The following PCDH9 variants were observed in gnomAD, a reference collection of about 807,000 sequenced individuals.
The protein encoded by PCDH9 is protocadherin-9.
A neutral mutation model predicts 70.6 loss-of-function variants in PCDH9; 24 were observed. The ratio of observed to expected loss-of-function variants is 0.34; its 90% CI spans 0.25 to 0.48. The LOEUF (loss-of-function observed/expected upper bound fraction) is 0.48, where lower values mean the gene tolerates loss of function less well. Ranked by LOEUF, PCDH9 falls within the 20% of genes least tolerant of loss-of-function variation. The pLI is 0.99. For missense variants in PCDH9, 1,281 were observed against 1,503.6 expected (o/e 0.85, Z 2.45); for synonymous variants, 562 against 558.5 (o/e 1.01, Z -0.09).
At chr13:66,794,781 C>G (rs2080214232) in intron 3 of PCDH9, among the ~76,000 whole-genome samples, 1 of 152,030 alleles carries the variant, frequency 6.6e-6, no homozygotes, top group South Asian at 2.1e-4. Flanking sequence ...AGCAGTGAAA[C>G]AATATAAGAT....
At chr13:66,905,596 G>A (rs142922810) in intron 2 of PCDH9, among the ~76,000 whole-genome samples, 100 of 152,036 alleles carry the variant, frequency 6.6e-4, no homozygotes, top group Admixed American at 5.2e-3. Context: ...GCCTCACTCC[G>A]ATTTCAATCT....
chr13:66,622,488 A>G (rs2077437408), intron 4 of PCDH9, among the ~76,000 whole-genome samples: 1 of 152,116 alleles, frequency 6.6e-6, no homozygotes. Flanking sequence ...CTCTGTCTCT[A>G]GCTCAAGGTT....
intron 3 of PCDH9, among the ~76,000 whole-genome samples, chr13:66,790,207 G>A (rs142089838): frequency 0.017 from 2,514 of 152,054 alleles, 50 homozygotes; most frequent in Admixed American, 0.058. Flanking sequence ...ATAATAAGGT[G>A]GGACATTATT....
At chr13:66,965,254 T>C (rs1309127934) in intron 2 of PCDH9, among the ~76,000 whole-genome samples, 3 of 152,154 alleles carry the variant, frequency 2.0e-5, no homozygotes, top group African/African-American at 7.2e-5. Context: ...TCAGCCAGTG[T>C]AGCCCTTTAT....
intron 3 of PCDH9, among the ~76,000 whole-genome samples, chr13:66,789,502 AT>A (rs199595587): frequency 4.0e-5 from 6 of 151,436 alleles, no homozygotes; most frequent in South Asian, 4.2e-4. Context: ...CAGTGGGTTT[AT>A]TTTTTTTTAT....
chr13:66,739,965 T>A (rs967058903), intron 3 of PCDH9, among the ~76,000 whole-genome samples: 3 of 151,290 alleles, frequency 2.0e-5, no homozygotes, highest in African/African-American at 7.3e-5. Context: ...ACCCAGGAAT[T>A]GAATTCAGCT....
At chr13:66,586,300 A>G (rs1026476835) in intron 4 of PCDH9, among the ~76,000 whole-genome samples, 14 of 145,186 alleles carry the variant, frequency 9.6e-5, no homozygotes, top group African/African-American at 3.1e-4. Context: ...AGAGAGATAC[A>G]TTAAATAAAA....
intron 2 of PCDH9, among the ~76,000 whole-genome samples, chr13:66,923,304 A>G (rs2082666661): frequency 1.3e-5 from 2 of 151,604 alleles, no homozygotes; most frequent in Non-Finnish European, 3.0e-5. Context: ...GACTATATAG[A>G]AAAAGTAAAA....
chr13:66,632,993 AATAGT>A (rs1214044061), intron 3 of PCDH9, among the ~76,000 whole-genome samples: 1 of 152,186 alleles, frequency 6.6e-6, no homozygotes, highest in African/African-American at 2.4e-5. Context: ...TTAGAAACAA[AATAGT>A]ATAGATAGGT....
At chr13:66,720,228 C>T (rs185330022) in intron 3 of PCDH9, among the ~76,000 whole-genome samples, 13 of 152,144 alleles carry the variant, frequency 8.5e-5, no homozygotes, top group Middle Eastern at 6.9e-3. Context: ...TTTCGGCTCA[C>T]TGCAACCTCC....
At chr13:66,321,281 G>A (rs1012578044) in intron 4 of PCDH9, among the ~76,000 whole-genome samples, 5 of 152,058 alleles carry the variant, frequency 3.3e-5, no homozygotes, top group African/African-American at 4.8e-5. Context: ...AAATAACGAT[G>A]TAATGATTTC....
At chr13:66,574,259 A>G (rs1326740825) in intron 4 of PCDH9, among the ~76,000 whole-genome samples, 1 of 152,166 alleles carries the variant, frequency 6.6e-6, no homozygotes, top group Non-Finnish European at 1.5e-5. Flanking sequence ...TGTAAGCTCT[A>G]CATAGCCAAT....
Position 66,729,295 on chromosome 13 carries a change from T to C in PCDH9, c.3139-97884A>G, listed in dbSNP as rs371727379. The stretch of plus-strand genomic sequence containing the variant: ...CCTCCATTTCTTTGAGGCTCAAAAT[T>C]CATCATAAATTCCTCTTGGATCAGG... On this transcript the variant is annotated intron_variant, in intron 3 of 4. Transcript: ENST00000377865. Among the ~76,000 whole-genome samples, 8 of 152,252 alleles carry C rather than the reference T, an allele frequency of 5.3e-5. No individual in the cohort carries two copies. In the South Asian group the frequency reaches 1.7e-3, roughly 32 times the overall value.
At chr13:66,946,393 G>A (rs2083087639) in intron 2 of PCDH9, among the ~76,000 whole-genome samples, 1 of 152,012 alleles carries the variant, frequency 6.6e-6, no homozygotes, top group Admixed American at 6.6e-5. Context: ...TGCAAGGCTG[G>A]GCATGGTGGC....
chr13:66,475,404 C>A (rs1239639748), intron 4 of PCDH9, among the ~76,000 whole-genome samples: 1 of 152,030 alleles, frequency 6.6e-6, no homozygotes, highest in Non-Finnish European at 1.5e-5. Context: ...ACATACTATT[C>A]AATTCATAAA....
At chr13:67,183,874 AT>A (rs1197967194) in intron 2 of PCDH9, among the ~76,000 whole-genome samples, 6 of 152,202 alleles carry the variant, frequency 3.9e-5, no homozygotes, top group African/African-American at 9.6e-5. Flanking sequence ...AAGAAAAAAA[AT>A]ATTATGTCCC....
chr13:66,526,845 T>A (rs1224876666), intron 4 of PCDH9, among the ~76,000 whole-genome samples: 3 of 152,152 alleles, frequency 2.0e-5, no homozygotes, highest in African/African-American at 7.2e-5. Flanking sequence ...TTTAGATTAC[T>A]TATACATGAT....
intron 3 of PCDH9, among the ~76,000 whole-genome samples, chr13:66,735,710 T>C (rs1226365894): frequency 6.6e-6 from 1 of 152,128 alleles, no homozygotes; most frequent in African/African-American, 2.4e-5. Flanking sequence ...ATGCCTGCAA[T>C]CCCAGCACTT....
intron 3 of PCDH9, among the ~76,000 whole-genome samples, chr13:66,900,858 G>A (rs998085714): frequency 1.3e-5 from 2 of 150,838 alleles, no homozygotes; most frequent in East Asian, 3.9e-4. Flanking sequence ...AAAAGGGAGG[G>A]GAAATATAAA....
Sources: allele counts gnomAD v4.1 joint callset (sites outside exome capture counted in the v4.1 genomes callset), GRCh38; gene constraint gnomAD v4.1.1; transcripts MANE v1.5; gene names NCBI Gene and HGNC (gene_info 2026-07-23, HGNC 2026-07-21).